Variants in VSIG1 observed in about 807,000 individuals in gnomAD.
VSIG1 encodes the protein V-set and immunoglobulin domain containing 1.
Under a neutral mutation model 20.1 loss-of-function variants are expected in VSIG1, and 11 were observed. That is an observed-to-expected ratio of 0.55 (90% confidence interval 0.34 to 0.91). The LOEUF is 0.91. Ranked by LOEUF, VSIG1 falls within the 40% of genes least tolerant of loss-of-function variation. VSIG1 has a pLI of 0.02. For missense variants in VSIG1, 283 were observed against 298.8 expected (o/e 0.95, Z 0.39); for synonymous variants, 126 against 116.7 (o/e 1.08, Z -0.52).
intron 1 of VSIG1, among the ~76,000 whole-genome samples, chrX:108,053,880 T>C (rs2030839207): frequency 9.0e-6 from 1 of 111,376 alleles, no homozygotes; most frequent in Admixed American, 9.6e-5. Context: ...TTAAACTTTA[T>C]CATAGGTTTG....
chrX:108,028,058 G>C, the VSIG1 span, among the ~76,000 whole-genome samples: 4 of 111,675 alleles, frequency 3.6e-5, no homozygotes, highest in Non-Finnish European at 7.5e-5. Flanking sequence ...TAACTCTGTA[G>C]TGACCATCCA....
At chrX:108,026,953 C>T in the VSIG1 span, among the ~76,000 whole-genome samples, 13 of 111,690 alleles carry the variant, frequency 1.2e-4, no homozygotes, top group East Asian at 3.7e-3. Flanking sequence ...GTCATTAGGG[C>T]AATGCAAATC....
the VSIG1 span, among the ~76,000 whole-genome samples, chrX:108,027,279 A>T: frequency 8.9e-6 from 1 of 112,253 alleles, no homozygotes; most frequent in Non-Finnish European, 1.9e-5. Context: ...CCAATTGTCC[A>T]TCAACTGATG....
At chrX:108,019,522 A>G in the VSIG1 span, among the ~76,000 whole-genome samples, 4,970 of 112,277 alleles carry the variant, frequency 0.044, 289 homozygotes, top group African/African-American at 0.15. Context: ...GGGAGCAGCC[A>G]TAGGCAGAGA....
upstream of VSIG1, among the ~76,000 whole-genome samples, chrX:108,039,994 A>G (rs2030454625): frequency 9.0e-6 from 1 of 111,352 alleles, no homozygotes; most frequent in African/African-American, 3.3e-5. Context: ...TGCCTAAGGA[A>G]GGCATGAAAC....
chrX:108,069,364 T>C (rs2031194058), intron 3 of VSIG1, among the ~76,000 whole-genome samples: 1 of 111,893 alleles, frequency 8.9e-6, no homozygotes, highest in African/African-American at 3.3e-5. Flanking sequence ...AAAAATATTG[T>C]TTTTGTTAAT....
intron 2 of VSIG1, among the ~76,000 whole-genome samples, chrX:108,059,148 C>T (rs1290606952): frequency 4.5e-5 from 5 of 111,514 alleles, no homozygotes; most frequent in Non-Finnish European, 9.4e-5. Context: ...TTGGATGCAG[C>T]TGAATTGGGC....
the VSIG1 span, among the ~76,000 whole-genome samples, chrX:108,025,018 T>C: frequency 1.8e-5 from 2 of 111,413 alleles, no homozygotes; most frequent in Admixed American, 1.9e-4. Context: ...CTTCTCTCTG[T>C]TTGTTGTAGT....
chrX:108,035,519 T>G, the VSIG1 span, among the ~76,000 whole-genome samples: 1 of 110,814 alleles, frequency 9.0e-6, no homozygotes, highest in African/African-American at 3.3e-5. Flanking sequence ...TTCTTTCTTT[T>G]ATTGTCCATT....
intron 1 of VSIG1, among the ~76,000 whole-genome samples, chrX:108,053,526 A>G (rs947232376): frequency 8.9e-6 from 1 of 111,968 alleles, no homozygotes; most frequent in African/African-American, 3.2e-5. Context: ...ATCATAAAAA[A>G]TGCTCAAGTA....
intron 3 of VSIG1, among the ~76,000 whole-genome samples, chrX:108,070,155 G>A (rs1336453083): frequency 1.8e-5 from 2 of 112,474 alleles, no homozygotes; most frequent in Non-Finnish European, 3.8e-5. Context: ...CCGCAATTTG[G>A]CACATAAAAA....
chrX:108,034,161 G>T, the VSIG1 span, among the ~76,000 whole-genome samples: 1 of 110,491 alleles, frequency 9.1e-6, no homozygotes, highest in African/African-American at 3.3e-5. Context: ...TTTTGGGGTT[G>T]GGGGTGCTTG....
intron 1 of VSIG1, among the ~76,000 whole-genome samples, chrX:108,056,958 T>C (rs1426631589): frequency 8.9e-6 from 1 of 112,560 alleles, no homozygotes; most frequent in Non-Finnish European, 1.9e-5. Context: ...ACTGGAGTTT[T>C]ATCCAATACC....
At chrX:108,020,128 G>T in the VSIG1 span, among the ~76,000 whole-genome samples, 1 of 112,270 alleles carries the variant, frequency 8.9e-6, no homozygotes, top group East Asian at 2.8e-4. Context: ...AGTAAGAGAT[G>T]CCTCTAATCA....
At chrX:108,044,777 C>T (rs769383273), upstream of VSIG1, among the ~76,000 whole-genome samples, 1 of 112,009 alleles carries the variant, frequency 8.9e-6, no homozygotes, top group East Asian at 2.8e-4. Flanking sequence ...CATAGGCTCT[C>T]TTCCAACCAT....
At chrX:108,040,108 T>C (rs1330936457), upstream of VSIG1, among the ~76,000 whole-genome samples, 1 of 110,742 alleles carries the variant, frequency 9.0e-6, no homozygotes, top group Non-Finnish European at 1.9e-5. Context: ...CAGAAGAAAA[T>C]GTTTATAACA....
At chrX:108,047,903 TACAC>T (rs1411259869) in intron 1 of VSIG1, among the ~76,000 whole-genome samples, 4 of 17,388 alleles carry the variant, frequency 2.3e-4, no homozygotes, top group African/African-American at 1.4e-3. Flanking sequence ...TATATATATA[TACAC>T]ATATATATAT....
At chrX:108,066,809 A>G in intron 2 of VSIG1, 127 bp from the exon 3 acceptor site, 3 of 624,542 alleles carry the variant, frequency 4.8e-6, no homozygotes, top group Non-Finnish European at 7.4e-6. Context: ...GGCCACAGGG[A>G]CCTGTTCCTG....
intron 4 of VSIG1, among the ~76,000 whole-genome samples, 156 bp downstream of exon 4, chrX:108,072,988 C>G (rs1371990898): frequency 2.7e-5 from 3 of 110,354 alleles, no homozygotes; most frequent in Non-Finnish European, 3.8e-5. Flanking sequence ...AAAAAGAATG[C>G]CTGTCTCCCA....
Sources: allele counts gnomAD v4.1 joint callset (sites outside exome capture counted in the v4.1 genomes callset), GRCh38; gene constraint gnomAD v4.1.1; transcripts MANE v1.5; gene names NCBI Gene and HGNC (gene_info 2026-07-23, HGNC 2026-07-21).